Variants in CEP72 observed in about 807,000 individuals in gnomAD.
CEP72 encodes centrosomal protein 72.
In CEP72, 78 loss-of-function variants were observed where a neutral mutation model predicts 65.7. That is an observed-to-expected ratio of 1.19 (90% CI 0.99 to 1.43). The LOEUF is 1.43. Ranked by LOEUF, CEP72 falls within the 40% of genes most tolerant of loss-of-function variation. CEP72 has a pLI of 0.00. For synonymous variants in CEP72, 358 were observed against 351.7 expected, an observed-to-expected ratio of 1.02 and a Z score of -0.20; for missense variants, 914 against 832.9, an observed-to-expected ratio of 1.10 and a Z score of -1.20.
the CEP72 span, among the ~76,000 whole-genome samples, chr5:675,371 CCGGGGGTG>C: frequency 2.4e-5 from 1 of 41,050 alleles, no homozygotes; most frequent in African/African-American, 1.1e-4. Flanking sequence ...TGCAGTGTGG[CCGGGGGTG>C]CAGCGCAGAG....
chr5:665,885 A>G (rs1228958319), intron 3 of CEP72: 4 of 177,078 alleles, frequency 2.3e-5, no homozygotes, highest in East Asian at 1.2e-3. Context: ...GTCCCTCCTG[A>G]CCACCCCTCC....
At chr5:671,756 C>T (rs1050172734), downstream of CEP72, among the ~76,000 whole-genome samples, 18 of 152,224 alleles carry the variant, frequency 1.2e-4, no homozygotes, top group African/African-American at 4.1e-4. Flanking sequence ...CCCTGCCAGG[C>T]GTGGCCACTA....
rs1580073592 is a variant in CEP72, at chr5:666,626, A to G, written n.593-238A>G. Among the ~76,000 whole-genome samples the G allele has an allele frequency of 1.3e-5, 2 of 152,222 alleles. 1 individual carries two copies. The highest frequency in any genetic ancestry group is 4.2e-4 in the South Asian group (2 of 4,814). ...ACGCCTCAGATGCCCTGGCTCCAAA[A>G]CCCGCCAGGCGGCCCCGCTGTGCCC... On this transcript the variant is annotated intron_variant and non_coding_transcript_variant, in intron 4 of 4. Coordinates refer to the CEP72 transcript ENST00000514507.
chr5:613,142 A>G (rs1735780756), intron 1 of CEP72, among the ~76,000 whole-genome samples: 1 of 152,190 alleles, frequency 6.6e-6, no homozygotes. Context: ...TATTTGAGCT[A>G]ACTTGTGGAG....
chr5:634,254 C>T (rs1737433824), intron 5 of CEP72, among the ~76,000 whole-genome samples: 1 of 152,188 alleles, frequency 6.6e-6, no homozygotes. Context: ...GCAAGTGGGG[C>T]TGACATCTGC....
At chr5:636,165 A>C (rs901216472) in intron 6 of CEP72, among the ~76,000 whole-genome samples, 1 of 152,270 alleles carries the variant, frequency 6.6e-6, no homozygotes, top group African/African-American at 2.4e-5. Context: ...CTTTTTAAGT[A>C]GTTAAATATT....
rs1490025241 is a variant in CEP72, at chr5:639,175, C to G, written c.1293C>G (p.Asp431Glu). 4 of 1,609,778 alleles carry G rather than the reference C, an allele frequency of 2.5e-6. No individual in the cohort carries two copies. Among genetic ancestry groups the G allele is most frequent in the Non-Finnish European group, 2.5e-6 (3 of 1,177,478 alleles). The change falls in exon 8 of 12, where the codon GAC (aspartate) becomes GAG (glutamate). Residue 431 changes from aspartate to glutamate, a missense_variant. Transcript: ENST00000264935. Reference sequence around the variant, plus strand: ...TGGAGACGCTCTTGGACCTGGTGGACAGGAGCTGGGGCGGCTGCAGGTCCC... The same window carrying G: ...TGGAGACGCTCTTGGACCTGGTGGAGAGGAGCTGGGGCGGCTGCAGGTCCC... Reference protein sequence around the residue: ...ALLETLLDLVDRSWGGCRSLH... With the variant: ...ALLETLLDLVERSWGGCRSLH...
At chr5:675,107 GCAGCACGGGGGGTA>G in the CEP72 span, among the ~76,000 whole-genome samples, 12 of 129,098 alleles carry the variant, frequency 9.3e-5, no homozygotes, top group Non-Finnish European at 1.7e-4. Flanking sequence ...GGTCAGGGGT[GCAGCACGGGGGGTA>G]CAGTGTGGCC....
chr5:648,392 GAT>G (rs1738574599), intron 11 of CEP72, among the ~76,000 whole-genome samples: 1 of 143,704 alleles, frequency 7.0e-6, no homozygotes. Flanking sequence ...TGGACTGTGA[GAT>G]GGGACTGTGA....
chr5:633,623 G>T (rs1228406565), intron 4 of CEP72, 146 bp from the exon 5 acceptor site: 2 of 726,550 alleles, frequency 2.8e-6, no homozygotes, highest in African/African-American at 3.5e-5. Context: ...CATCACTGCA[G>T]TGGAAGCAAC....
At chr5:656,210 C>T (rs999137619), downstream of CEP72, among the ~76,000 whole-genome samples, 2 of 152,182 alleles carry the variant, frequency 1.3e-5, no homozygotes, top group African/African-American at 4.8e-5. Context: ...TCTGCATCTC[C>T]TTGTCTGTCT....
At chr5:632,890 G>GCACCA (rs1737294112) in intron 4 of CEP72, among the ~76,000 whole-genome samples, 1 of 93,206 alleles carries the variant, frequency 1.1e-5, no homozygotes, top group Non-Finnish European at 2.1e-5. Context: ...GCCGGGATTT[G>GCACCA]GACCAGTTCT....
chr5:637,163 CGTT>C (rs1313363640), intron 6 of CEP72, among the ~76,000 whole-genome samples: 17 of 152,186 alleles, frequency 1.1e-4, no homozygotes, highest in African/African-American at 4.1e-4. Flanking sequence ...TGTGCTTAGA[CGTT>C]GTTTGGAACG....
intron 4 of CEP72, among the ~76,000 whole-genome samples, chr5:631,969 G>T (rs866671392): frequency 1.1e-3 from 42 of 37,678 alleles, no homozygotes; most frequent in East Asian, 3.1e-3. Context: ...AGTCCTGGTG[G>T]GGTTCTGTCC....
chr5:652,838 C>T (rs942314812), intron 11 of CEP72, 150 bp from the exon 12 acceptor site: 31 of 856,764 alleles, frequency 3.6e-5, no homozygotes, highest in South Asian at 6.2e-5. Context: ...CAGTGGGACA[C>T]AGAAGGTGAT....
chr5:621,492 G>A (rs1358333744), intron 3 of CEP72, among the ~76,000 whole-genome samples: 1 of 152,252 alleles, frequency 6.6e-6, no homozygotes, highest in African/African-American at 2.4e-5. Flanking sequence ...CGTTGTGGGC[G>A]TCGGGACTGA....
At chr5:647,701 T>A (rs1697976) in intron 10 of CEP72, 104 bp from the exon 11 acceptor site, 166,353 of 760,216 alleles carry the variant, frequency 0.22, 19,782 homozygotes, top group East Asian at 0.4. Flanking sequence ...ATATTCTTTT[T>A]CTGGTAACCA....
chr5:654,916 G>A (rs891610005), downstream of CEP72, among the ~76,000 whole-genome samples: 19 of 145,346 alleles, frequency 1.3e-4, no homozygotes, highest in African/African-American at 4.2e-4. Context: ...TAAACGTGAT[G>A]CTTTTTCATC....
chr5:652,751 G>T (rs935303863), intron 11 of CEP72, among the ~76,000 whole-genome samples: 8 of 152,212 alleles, frequency 5.3e-5, no homozygotes, highest in African/African-American at 1.9e-4. Context: ...CATTCCATAG[G>T]TGCTGAGCCG....
Sources: gnomAD v4.1 joint callset for allele counts (sites outside exome capture counted in the v4.1 genomes callset) on GRCh38, gnomAD v4.1.1 for gene constraint, MANE v1.5 for transcripts, NCBI Gene and HGNC (gene_info 2026-07-23, HGNC 2026-07-21) for gene names.